PSMA1: variants seen among roughly 807,000 people sequenced by gnomAD.
PSMA1 encodes proteasome 20S subunit alpha 1, also known as proteasome subunit alpha type-1.
Under a neutral mutation model 38.4 loss-of-function variants are expected in PSMA1, and 3 were observed. The observed-to-expected ratio is 0.08, with a 90% confidence interval of 0.04 to 0.20. The LOEUF (loss-of-function observed/expected upper bound fraction) is 0.20. Among genes scored for constraint, PSMA1 ranks in the 10% least tolerant of loss-of-function variants. The pLI, the probability that PSMA1 is intolerant of heterozygous loss-of-function variation, is 1.00. For synonymous variants in PSMA1, 101 were observed against 107.1 expected, an observed-to-expected ratio of 0.94 and a Z score of 0.35; for missense variants, 227 against 325.3, an observed-to-expected ratio of 0.70 and a Z score of 2.32.
chr11:14,571,980 T>C (rs1852148120), intron 2 of PSMA1, among the ~76,000 whole-genome samples: 1 of 152,184 alleles, frequency 6.6e-6, no homozygotes, highest in Non-Finnish European at 1.5e-5. Flanking sequence ...TAAATATATA[T>C]GCACCCAATA....
At chr11:14,521,319 T>G (rs867092080), upstream of PSMA1, among the ~76,000 whole-genome samples, 3 of 79,058 alleles carry the variant, frequency 3.8e-5, no homozygotes, top group South Asian at 8.3e-4. Context: ...AGAATAAGAA[T>G]AAGAATAAGA....
intron 2 of PSMA1, among the ~76,000 whole-genome samples, chr11:14,549,517 C>A (rs981569936): frequency 1.3e-5 from 2 of 151,738 alleles, no homozygotes; most frequent in Non-Finnish European, 2.9e-5. Context: ...CTGGCTAACA[C>A]GTTGAAACCC....
chr11:14,526,040 A>G (rs542256697), intron 2 of PSMA1, among the ~76,000 whole-genome samples: 4 of 152,006 alleles, frequency 2.6e-5, no homozygotes, highest in Admixed American at 6.5e-5. Context: ...TTTCTTCTCC[A>G]TCCGTTACCT....
At chr11:14,582,177 T>C (rs1390154241) in intron 2 of PSMA1, among the ~76,000 whole-genome samples, 4 of 152,110 alleles carry the variant, frequency 2.6e-5, no homozygotes, top group African/African-American at 9.7e-5. Flanking sequence ...AAAATACAAA[T>C]TTAAAAACAG....
intron 2 of PSMA1, among the ~76,000 whole-genome samples, chr11:14,591,671 G>A (rs928759593): frequency 6.6e-6 from 1 of 152,140 alleles, no homozygotes; most frequent in Admixed American, 6.5e-5. Flanking sequence ...CGGAGAACCT[G>A]TGTGTCCATA....
intron 1 of PSMA1, among the ~76,000 whole-genome samples, chr11:14,637,356 C>T (rs1853122884): frequency 6.6e-6 from 1 of 152,214 alleles, no homozygotes; most frequent in Admixed American, 6.5e-5. Context: ...TACTCCATGT[C>T]CTATCACTGT....
At chr11:14,585,042 G>A (rs1434352088) in intron 2 of PSMA1, among the ~76,000 whole-genome samples, 2 of 152,206 alleles carry the variant, frequency 1.3e-5, no homozygotes, top group Non-Finnish European at 2.9e-5. Context: ...TCATGTTACT[G>A]CAGATTAGGC....
chr11:14,618,436 T>C (rs1384281505), intron 1 of PSMA1, among the ~76,000 whole-genome samples: 1 of 152,278 alleles, frequency 6.6e-6, no homozygotes, highest in South Asian at 2.1e-4. Context: ...TCAGTTATTT[T>C]AGCCTCTCAG....
At chr11:14,573,405 CA>C (rs1222123615) in intron 2 of PSMA1, among the ~76,000 whole-genome samples, 3 of 152,150 alleles carry the variant, frequency 2.0e-5, no homozygotes, top group African/African-American at 7.2e-5. Flanking sequence ...GAACCAAAGA[CA>C]AAAACCACAT....
chr11:14,522,751 G>A (rs1851543481), upstream of PSMA1, among the ~76,000 whole-genome samples: 1 of 152,144 alleles, frequency 6.6e-6, no homozygotes, highest in Admixed American at 6.5e-5. Flanking sequence ...TGTAATTAGG[G>A]ATGGTAACCT....
intron 2 of PSMA1, among the ~76,000 whole-genome samples, chr11:14,526,097 C>T (rs926007066): frequency 3.3e-5 from 5 of 152,174 alleles, no homozygotes; most frequent in African/African-American, 1.2e-4. Flanking sequence ...TCCCTGCCGA[C>T]TGTGTCCAAC....
intron 2 of PSMA1, among the ~76,000 whole-genome samples, chr11:14,563,625 TATC>T (rs1157637037): frequency 6.6e-6 from 1 of 152,206 alleles, no homozygotes; most frequent in Non-Finnish European, 1.5e-5. Context: ...ATCTTTAAAA[TATC>T]ATGTTTCTTT....
rs139860274 is a variant in PSMA1 at position 14,532,883 on chromosome 11, C to A, written c.22-13842G>T. On this transcript the variant is annotated intron_variant, in intron 2 of 10. Transcript: ENST00000418988. ...CTCCAGCCTGGGTGACAGAGCAAGA[C>A]TCTGTCTCAAAAAAAAAAATTTAAA... Among the ~76,000 whole-genome samples the A allele has an allele frequency of 2.6e-5, 4 of 151,318 alleles. No individual in the cohort carries two copies. In the East Asian group the frequency reaches 5.8e-4, roughly 22 times the overall value.
intron 1 of PSMA1, among the ~76,000 whole-genome samples, chr11:14,629,541 A>T (rs1461827928): frequency 6.6e-6 from 1 of 151,972 alleles, no homozygotes; most frequent in Non-Finnish European, 1.5e-5. Context: ...CTGTTTTGGT[A>T]CCAGTACCAT....
intron 2 of PSMA1, among the ~76,000 whole-genome samples, chr11:14,571,889 A>C (rs1470142227): frequency 6.6e-6 from 1 of 152,242 alleles, no homozygotes; most frequent in African/African-American, 2.4e-5. Flanking sequence ...ATAGACTTTA[A>C]GCCAACAAAG....
At chr11:14,616,591 T>A (rs1242541826) in intron 1 of PSMA1, among the ~76,000 whole-genome samples, 1 of 152,028 alleles carries the variant, frequency 6.6e-6, no homozygotes, top group Non-Finnish European at 1.5e-5. Flanking sequence ...AATTGAGAAA[T>A]AAGATTACAA....
chr11:14,552,241 G>A (rs775549050), intron 2 of PSMA1, among the ~76,000 whole-genome samples: 10 of 152,184 alleles, frequency 6.6e-5, no homozygotes, highest in East Asian at 1.9e-4. Flanking sequence ...TCCCGAGTCC[G>A]AAGCATCACA....
chr11:14,639,299 G>GTT lies in PSMA1; in HGVS notation c.-166+4154_-166+4155dup. Among the ~76,000 whole-genome samples the GTT allele has an allele frequency of 2.0e-5, 3 of 152,170 alleles. No homozygotes were observed. In the East Asian group the frequency reaches 5.8e-4, roughly 29 times the overall value. ...TTTTAGTGATTTGGTGCAAATGAAT[G>GTT]TTAAGAAAAATATTTTAAAATCACA... On this transcript the variant is annotated intron_variant, in intron 1 of 10. Transcript: ENST00000418988.
At chr11:14,595,917 G>C (rs1031644815) in intron 2 of PSMA1, among the ~76,000 whole-genome samples, 16 of 152,260 alleles carry the variant, frequency 1.1e-4, no homozygotes, top group Middle Eastern at 3.4e-3. Context: ...ATTAATTTTT[G>C]TATAAGGTGT....
Sources: allele counts gnomAD v4.1 joint callset (sites outside exome capture counted in the v4.1 genomes callset), GRCh38; gene constraint gnomAD v4.1.1; transcripts MANE v1.5; gene names NCBI Gene and HGNC (gene_info 2026-07-23, HGNC 2026-07-21).